The following LIN9 variants were observed in gnomAD, a reference collection of about 807,000 sequenced individuals.
LIN9 encodes protein lin-9 homolog.
In LIN9, 18 loss-of-function variants were observed where a neutral mutation model predicts 78.0. The observed-to-expected ratio is 0.23, with a 90% CI of 0.16 to 0.34. The LOEUF is 0.34. Among genes scored for constraint, LIN9 ranks in the 10% least tolerant of loss-of-function variants. LIN9 has a pLI of 1.00. For synonymous variants in LIN9, 192 were observed against 215.2 expected (o/e 0.89, Z 0.94); for missense variants, 451 against 644.1 (o/e 0.70, Z 3.25).
At chr1:226,254,897 C>T (rs1003234770) in intron 10 of LIN9, among the ~76,000 whole-genome samples, 6 of 131,874 alleles carry the variant, frequency 4.5e-5, no homozygotes, top group Non-Finnish European at 9.3e-5. Context: ...GGCGACAGAG[C>T]GAGACTCTGT....
intron 2 of LIN9, among the ~76,000 whole-genome samples, 157 bp downstream of exon 2, chr1:226,301,016 C>G (rs1009707831): frequency 2.0e-5 from 3 of 151,970 alleles, no homozygotes; most frequent in Admixed American, 6.6e-5. Context: ...ATCAATTCTC[C>G]TATAAAAGCA....
At chr1:226,275,397 A>C (rs1335314078) in intron 7 of LIN9, among the ~76,000 whole-genome samples, 1 of 152,192 alleles carries the variant, frequency 6.6e-6, no homozygotes, top group African/African-American at 2.4e-5. Context: ...ACATTGCTTT[A>C]AAAAAGCTCT....
At chr1:226,239,751 T>C (rs552813680) in intron 11 of LIN9, among the ~76,000 whole-genome samples, 1 of 152,334 alleles carries the variant, frequency 6.6e-6, no homozygotes, top group African/African-American at 2.4e-5. Flanking sequence ...AACTTTTTAT[T>C]GTGTCATCAT....
Position 226,232,590 on chromosome 1 carries a change from C to A in LIN9, c.1540G>T (p.Val514Leu). Residue 514 changes from valine (V) to leucine (L), a missense_variant, in exon 15 of 15, where the codon GTA becomes TTA. By Grantham distance (32) the Val-to-Leu change is conservative. Coordinates refer to ENST00000681046, the MANE Select transcript of LIN9 (RefSeq NM_001366245.2). ...ASNISCFQNN[V>L]EIHVAHIQSG... ...TGAATATGTGCAACATGGATTTCTA[C>A]ATTATTCTGAAAGCAACTAAAGAAA... The A allele has an allele frequency of 1.2e-6, 2 of 1,604,480 alleles. No homozygotes were observed. Among genetic ancestry groups the A allele is most frequent in the Non-Finnish European group, 1.7e-6 (2 of 1,174,490 alleles).
At chr1:226,309,299 C>G (rs898671965), upstream of LIN9, 12 of 1,045,394 alleles carry the variant, frequency 1.1e-5, no homozygotes, top group African/African-American at 6.9e-5. Flanking sequence ...CGGCTCCGCC[C>G]GCGCCTGCCC....
chr1:226,289,360 T>C (rs1429637587), intron 4 of LIN9, among the ~76,000 whole-genome samples: 1 of 152,036 alleles, frequency 6.6e-6, no homozygotes, highest in Non-Finnish European at 1.5e-5. Context: ...GTGTGTGTTT[T>C]GGTTTTGTTT....
intron 3 of LIN9, 141 bp from the exon 4 acceptor site, chr1:226,296,087 C>T: frequency 5.3e-6 from 3 of 569,028 alleles, no homozygotes; most frequent in Non-Finnish European, 9.3e-6. Flanking sequence ...ACACAAAGCA[C>T]ACAAAGCCAA....
intron 12 of LIN9, 115 bp from the exon 13 acceptor site, chr1:226,233,638 A>G (rs946424867): frequency 3.1e-6 from 2 of 638,324 alleles, no homozygotes; most frequent in African/African-American, 3.8e-5. Flanking sequence ...ATTTAAAACT[A>G]AAGTGGTACT....
upstream of LIN9, chr1:226,309,595 G>C (rs1031921414): frequency 3.4e-5 from 42 of 1,232,652 alleles, no homozygotes; most frequent in African/African-American, 5.9e-4. Context: ...CGCATTGCCC[G>C]AGGGGGCTCT....
intron 14 of LIN9, 23 bp downstream of exon 14, chr1:226,233,073 T>C: frequency 7.4e-7 from 1 of 1,359,324 alleles, no homozygotes; most frequent in Non-Finnish European, 1.0e-6. Context: ...ATTAAAATGA[T>C]TAGAGTATAC....
chr1:226,284,006 T>C (rs564758686), intron 6 of LIN9, among the ~76,000 whole-genome samples: 13 of 152,178 alleles, frequency 8.5e-5, no homozygotes, highest in Non-Finnish European at 1.3e-4. Context: ...AACTCTCTTA[T>C]GTTTTCCTCT....
At chr1:226,301,951 G>C (rs1374865506) in intron 1 of LIN9, among the ~76,000 whole-genome samples, 1 of 152,166 alleles carries the variant, frequency 6.6e-6, no homozygotes, top group Non-Finnish European at 1.5e-5. Flanking sequence ...TGCCTAAAGT[G>C]TCAGCTACTC....
At chr1:226,297,302 A>G (rs1022962835) in intron 3 of LIN9, among the ~76,000 whole-genome samples, 1 of 152,184 alleles carries the variant, frequency 6.6e-6, no homozygotes, top group Non-Finnish European at 1.5e-5. Context: ...CATGTCAATT[A>G]TATGCTCATC....
At chr1:226,266,802 C>T (rs1044072143) in intron 8 of LIN9, among the ~76,000 whole-genome samples, 19 of 150,192 alleles carry the variant, frequency 1.3e-4, no homozygotes, top group Non-Finnish European at 2.5e-4. Context: ...TTTTTGAGAC[C>T]GAGTTTTACT....
At chr1:226,258,305 A>T (rs2102887705) in intron 10 of LIN9, among the ~76,000 whole-genome samples, 1 of 151,650 alleles carries the variant, frequency 6.6e-6, no homozygotes, top group South Asian at 2.1e-4. Context: ...GTTCCAGACC[A>T]GCCTGGCCAA....
At chr1:226,303,320 C>T (rs531853742) in intron 1 of LIN9, among the ~76,000 whole-genome samples, 2 of 152,198 alleles carry the variant, frequency 1.3e-5, no homozygotes, top group South Asian at 2.1e-4. Context: ...AATGTACATT[C>T]TAGTGATGGG....
At chr1:226,249,969 A>C (rs1558162228) in intron 11 of LIN9, among the ~76,000 whole-genome samples, 1 of 152,138 alleles carries the variant, frequency 6.6e-6, no homozygotes, top group Non-Finnish European at 1.5e-5. Context: ...CAGGAGTTCC[A>C]GAGCAGCCTG....
At chr1:226,283,278 ATTTTTTTT>A (rs71574569) in intron 6 of LIN9, among the ~76,000 whole-genome samples, 46 of 84,216 alleles carry the variant, frequency 5.5e-4, no homozygotes, top group African/African-American at 1.9e-3. Flanking sequence ...TAATTTTTGA[ATTTTTTTT>A]TTTTTTTTTT....
At chr1:226,286,582 C>T (rs1394633259) in intron 5 of LIN9, 124 bp from the exon 6 acceptor site, 3 of 675,318 alleles carry the variant, frequency 4.4e-6, no homozygotes, top group Non-Finnish European at 7.1e-6. Flanking sequence ...GGCACAAATT[C>T]AAAGTGCTAA....
Sources: gnomAD v4.1 joint callset for allele counts (sites outside exome capture counted in the v4.1 genomes callset) on GRCh38, gnomAD v4.1.1 for gene constraint, MANE v1.5 for transcripts, NCBI Gene and HGNC (gene_info 2026-07-23, HGNC 2026-07-21) for gene names.